Variants in ALG1L2 observed in about 807,000 individuals in gnomAD.
The protein encoded by ALG1L2 is ALG1 chitobiosyldiphosphodolichol beta-mannosyltransferase like 2, also known as putative glycosyltransferase ALG1L2.
A neutral mutation model predicts 29.0 loss-of-function variants in ALG1L2; 32 were observed. That is an observed-to-expected ratio of 1.10 (90% CI 0.83 to 1.48). The LOEUF is 1.48. Ranked by LOEUF, ALG1L2 falls within the 40% of genes most tolerant of loss-of-function variation. The probability of loss-of-function intolerance (pLI) is 0.00; values close to 1 mark genes in which losing one functional copy is unlikely to be tolerated. For missense variants in ALG1L2, 318 were observed against 274.1 expected (o/e 1.16, Z -1.13); for synonymous variants, 110 against 109.5 (o/e 1.00, Z -0.03).
chr3:130,088,136 G>A (rs1934933759), intron 1 of ALG1L2, among the ~76,000 whole-genome samples: 1 of 152,268 alleles, frequency 6.6e-6, no homozygotes, highest in Non-Finnish European at 1.5e-5. Flanking sequence ...CTAATAAGAT[G>A]GGAGACGTTG....
Position 130,098,315 on chromosome 3 carries a change from G to A in ALG1L2, c.*60G>A, listed in dbSNP as rs1935192828. 9.4e-6 allele frequency: 15 copies of A among 1,596,400 alleles called. No individual in the cohort carries two copies. The highest frequency in any genetic ancestry group is 1.7e-6 in the Non-Finnish European group (2 of 1,179,746). On this transcript the variant is annotated 3_prime_UTR_variant, in exon 8 of 8. Transcript: ENST00000425059. ...CTGCGGGAGTCGCAGCAGCTCTGAT[G>A]GGATGAGAGCTGGGTGCAGACTGTG...
chr3:130,086,100 G>T (rs1577325104), intron 1 of ALG1L2, among the ~76,000 whole-genome samples: 1 of 151,546 alleles, frequency 6.6e-6, no homozygotes, highest in East Asian at 1.9e-4. Context: ...TCCCCTCTTG[G>T]CCCCAACCAA....
intron 1 of ALG1L2, among the ~76,000 whole-genome samples, chr3:130,087,087 C>T (rs1266639296): frequency 6.7e-6 from 1 of 148,498 alleles, no homozygotes; most frequent in Admixed American, 6.9e-5. Flanking sequence ...ACCGGTTAAC[C>T]AGAGCGAGTA....
chr3:130,091,118 T>C, intron 1 of ALG1L2, 143 bp from the exon 2 acceptor site: 1 of 778,434 alleles, frequency 1.3e-6, no homozygotes, highest in South Asian at 1.8e-5. Flanking sequence ...TTAGGGGAAA[T>C]TTCTGGAAAC....
At chr3:130,096,395 C>T (rs1412904895) in intron 6 of ALG1L2, among the ~76,000 whole-genome samples, 3 of 151,782 alleles carry the variant, frequency 2.0e-5, no homozygotes, top group Non-Finnish European at 2.9e-5. Context: ...AAAGTAATCA[C>T]GGTTTTTGCC....
In ALG1L2 at chr3:130,094,475, T is replaced by C. The variant is rs777334609; in HGVS notation, c.386T>C (p.Ile129Thr). The change falls in exon 5 of 8, where the codon ATC becomes ACC. Residue 129 changes from isoleucine (I) to threonine (T), a missense_variant. By Grantham distance (89) the Ile-to-Thr change is moderately conservative. Coordinates refer to ENST00000425059, the MANE Select transcript of ALG1L2 (RefSeq NM_001136152.1). ...CATTTCCAGCACATCCAGGTCTGCA[T>C]CCCCTGGCTGGAGGGCCGAGGACTA... Reference protein sequence around the residue: ...QKHFQHIQVCIPWLEGRGLPP... With the variant: ...QKHFQHIQVCTPWLEGRGLPP... 1.9e-6 allele frequency: 3 copies of C among 1,591,778 alleles called. No homozygotes were observed. The highest frequency in any genetic ancestry group is 2.3e-5 in the East Asian group (1 of 44,268).
chr3:130,093,367 G>C (rs971245069), intron 4 of ALG1L2, among the ~76,000 whole-genome samples: 1 of 151,920 alleles, frequency 6.6e-6, no homozygotes, highest in African/African-American at 2.4e-5. Context: ...TGAATCTGTA[G>C]ATACCAAGCT....
Position 130,094,403 on chromosome 3 carries a change from G to A in ALG1L2, c.314G>A (p.Gly105Asp). 2.5e-6 allele frequency: 4 copies of A among 1,594,982 alleles called. No individual in the cohort carries two copies. The highest frequency in any genetic ancestry group is 1.3e-5 in the African/African-American group (1 of 74,954). The stretch of plus-strand genomic sequence containing the variant: ...GCAGTGTCTGCTCTTCTCTGTGAAG[G>A]CAAAGGGCCTCTGAGGGAGTATTAC... ...NLPSLVCVIT[G>D]KGPLREYYSR... is the part of the protein sequence containing the mutation. Residue 105 changes from glycine to aspartate, a missense_variant and splice_region_variant, in exon 5 of 8, where the codon GGC (glycine) becomes GAC (aspartate). By Grantham distance (94) the Gly-to-Asp change is moderately conservative (BLOSUM62 -1). Coordinates refer to ENST00000425059, the MANE Select transcript of ALG1L2 (RefSeq NM_001136152.1).
At chr3:130,091,079 C>T in intron 1 of ALG1L2, 182 bp from the exon 2 acceptor site, 1 of 609,886 alleles carries the variant, frequency 1.6e-6, no homozygotes, top group South Asian at 2.0e-5. Flanking sequence ...TTGTAAAAAG[C>T]CCCTTTCATT....
At chr3:130,097,314 C>T (rs1935163965) in intron 7 of ALG1L2, 64 bp downstream of exon 7, 1 of 1,583,360 alleles carries the variant, frequency 6.3e-7, no homozygotes. Context: ...GAGCCATGCT[C>T]CCTGATCCCT....
At chr3:130,097,324 T>C in intron 7 of ALG1L2, 74 bp downstream of exon 7, 1 of 1,576,188 alleles carries the variant, frequency 6.3e-7, no homozygotes, top group Admixed American at 1.8e-5. Context: ...CCCTGATCCC[T>C]GTTTCACACA....
rs138934323 is a variant in ALG1L2 at position 130,095,213 on chromosome 3, T to C, written c.424+700T>C. Among the ~76,000 whole-genome samples the C allele has an allele frequency of 2.4e-3, 369 of 152,190 alleles. 2 individuals are homozygous for C. The highest frequency in any genetic ancestry group is 8.7e-3 in the African/African-American group (360 of 41,514). ...ACCTTGCTTATTTTTGTATTTTTAG[T>C]AGAGACAGGGTTTCACCATGTTGGC... On this transcript the variant is annotated intron_variant, in intron 5 of 7. Transcript: ENST00000425059.
chr3:130,091,113 G>A, intron 1 of ALG1L2, 148 bp from the exon 2 acceptor site: 2 of 736,258 alleles, frequency 2.7e-6, no homozygotes, highest in East Asian at 2.7e-5. Flanking sequence ...GGTCTTTAGG[G>A]GAAATTTCTG....
rs1935086389 is a variant in ALG1L2 at position 130,094,435 on chromosome 3, C to G, written c.346C>G (p.Leu116Val). Residue 116 changes from leucine (L) to valine (V), a missense_variant, in exon 5 of 8, where the codon CTC becomes GTC. Leu to Val is a conservative substitution (Grantham distance 32). Coordinates refer to ENST00000425059, the MANE Select transcript of ALG1L2 (RefSeq NM_001136152.1). ...KGPLREYYSR[L>V]IHQKHFQHIQ... ...GCCTCTGAGGGAGTATTACAGCCGCCTCATCCACCAGAAGCATTTCCAGCA... is the reference window on the plus strand; with the variant it reads ...GCCTCTGAGGGAGTATTACAGCCGCGTCATCCACCAGAAGCATTTCCAGCA... 1.3e-6 allele frequency: 2 copies of G among 1,596,318 alleles called. No homozygotes were observed. Among genetic ancestry groups the G allele is most frequent in the African/African-American group, 2.7e-5 (2 of 74,968 alleles).
chr3:130,088,021 G>T (rs143207919), intron 1 of ALG1L2, among the ~76,000 whole-genome samples: 1 of 152,306 alleles, frequency 6.6e-6, no homozygotes, highest in Non-Finnish European at 1.5e-5. Context: ...TCTAGGCTGG[G>T]GACTTTCTGA....
intron 1 of ALG1L2, among the ~76,000 whole-genome samples, chr3:130,083,917 T>C (rs373662306): frequency 0.04 from 5,919 of 146,650 alleles, 33 homozygotes; most frequent in African/African-American, 0.14. Context: ...TACAGGAAGA[T>C]AGAGGATTTA....
intron 1 of ALG1L2, among the ~76,000 whole-genome samples, chr3:130,087,482 C>A (rs755005404): frequency 3.7e-5 from 5 of 136,066 alleles, no homozygotes; most frequent in African/African-American, 1.3e-4. Context: ...GGTTAACTGG[C>A]GAAATCTGAA....
intron 1 of ALG1L2, among the ~76,000 whole-genome samples, chr3:130,086,098 T>C (rs1397403043): frequency 6.6e-6 from 1 of 151,580 alleles, no homozygotes; most frequent in African/African-American, 2.4e-5. Context: ...GATCCCCTCT[T>C]GGCCCCAACC....
chr3:130,084,427 T>C (rs1346817401), intron 1 of ALG1L2, among the ~76,000 whole-genome samples: 2 of 147,624 alleles, frequency 1.4e-5, no homozygotes, highest in African/African-American at 4.9e-5. Flanking sequence ...GAAGCAGGCA[T>C]GAGAGGTTCC....
Sources: allele counts gnomAD v4.1 joint callset (sites outside exome capture counted in the v4.1 genomes callset), GRCh38; gene constraint gnomAD v4.1.1; transcripts MANE v1.5; gene names NCBI Gene and HGNC (gene_info 2026-07-23, HGNC 2026-07-21).